The following ELP4 variants were observed in gnomAD, a reference collection of about 807,000 sequenced individuals.
ELP4 encodes the protein elongator complex protein 4.
A neutral mutation model predicts 48.9 loss-of-function variants in ELP4; 51 were observed. That is an observed-to-expected ratio of 1.04 (90% confidence interval 0.83 to 1.32). ELP4 has a LOEUF of 1.32. Among genes scored for constraint, ELP4 ranks in the 40% most tolerant of loss-of-function variants. The pLI is 0.00. For missense variants in ELP4, 519 were observed against 514.6 expected (o/e 1.01, Z -0.08); for synonymous variants, 210 against 189.2 (o/e 1.11, Z -0.90).
intron 9 of ELP4, among the ~76,000 whole-genome samples, chr11:31,748,146 AT>A (rs1252321084): frequency 4.0e-5 from 6 of 151,836 alleles, no homozygotes; most frequent in African/African-American, 1.4e-4. Flanking sequence ...CAATGGGCAG[AT>A]TCGTAGTTAT....
intron 5 of ELP4, among the ~76,000 whole-genome samples, chr11:31,618,027 A>C (rs190742894): frequency 6.6e-6 from 1 of 152,224 alleles, no homozygotes; most frequent in Non-Finnish European, 1.5e-5. Context: ...AAACCTGTAC[A>C]TAAATGTTCA....
chr11:31,775,390 G>T (rs772802239), intron 9 of ELP4, among the ~76,000 whole-genome samples: 1 of 152,104 alleles, frequency 6.6e-6, no homozygotes, highest in Non-Finnish European at 1.5e-5. Context: ...CCCCACAAAT[G>T]GCCATCTCTT....
intron 9 of ELP4, among the ~76,000 whole-genome samples, chr11:31,712,939 A>G (rs1176973770): frequency 6.6e-6 from 1 of 152,144 alleles, no homozygotes; most frequent in Non-Finnish European, 1.5e-5. Context: ...TGCCACTAAA[A>G]TAGTTTTGCA....
At chr11:31,520,158 C>T (rs1956189371) in intron 2 of ELP4, 67 bp downstream of exon 2, 1 of 1,339,756 alleles carries the variant, frequency 7.5e-7, no homozygotes, top group Admixed American at 2.3e-5. Flanking sequence ...TCATTTTATC[C>T]AATTCCCATT....
At chr11:31,747,690 G>C (rs1055711616) in intron 9 of ELP4, among the ~76,000 whole-genome samples, 2 of 152,206 alleles carry the variant, frequency 1.3e-5, no homozygotes, top group Non-Finnish European at 1.5e-5. Context: ...GACATCAGTA[G>C]TAATCACCAT....
chr11:31,691,754 A>G (rs993737240), intron 9 of ELP4, among the ~76,000 whole-genome samples: 9 of 152,180 alleles, frequency 5.9e-5, no homozygotes, highest in African/African-American at 1.9e-4. Flanking sequence ...CAATGTTTAC[A>G]ATAACAATTT....
At chr11:31,741,322 G>C (rs1374804306) in intron 9 of ELP4, among the ~76,000 whole-genome samples, 2 of 152,224 alleles carry the variant, frequency 1.3e-5, no homozygotes, top group Non-Finnish European at 1.5e-5. Context: ...TCTGGGGGCA[G>C]GGCACAGACA....
intron 3 of ELP4, among the ~76,000 whole-genome samples, chr11:31,576,166 A>C (rs1286504282): frequency 6.6e-6 from 1 of 152,220 alleles, no homozygotes; most frequent in Non-Finnish European, 1.5e-5. Flanking sequence ...ACAGACTTTA[A>C]ATCAACAAAG....
intron 9 of ELP4, chr11:31,662,405 G>A (rs535362122): frequency 3.5e-4 from 137 of 393,428 alleles, no homozygotes; most frequent in Middle Eastern, 1.3e-3. Flanking sequence ...AATAGAACAT[G>A]TGATTAGCAA....
intron 5 of ELP4, among the ~76,000 whole-genome samples, chr11:31,613,087 G>A (rs1370316533): frequency 6.6e-6 from 1 of 152,108 alleles, no homozygotes; most frequent in African/African-American, 2.4e-5. Context: ...TAAGGCTAAT[G>A]GAAGCTGTAA....
rs1420068306 is a variant in ELP4 at position 31,509,955 on chromosome 11, G to C, written c.171G>C (p.Arg57=). The change falls in exon 1 of 10, where the codon CGG becomes CGC. Residue 57 remains arginine, a synonymous_variant. Transcript: ENST00000640961. ...VSIAGTRPSV[R]NGQLLVSTGL... ...TTGCGGGCACGCGACCGTCGGTGCG[G>C]AATGGACAGCTGCTGGTATCAACCG... 1 of 1,613,188 alleles carries C rather than the reference G, an allele frequency of 6.2e-7. No individual in the cohort carries two copies. The highest frequency in any genetic ancestry group is 1.1e-5 in the South Asian group (1 of 91,046).
intron 5 of ELP4, among the ~76,000 whole-genome samples, chr11:31,613,957 T>G (rs1248035793): frequency 6.6e-6 from 1 of 152,028 alleles, no homozygotes; most frequent in African/African-American, 2.4e-5. Context: ...GTGACCTGTT[T>G]GCCTTGGCCT....
At chr11:31,538,675 T>C (rs191315563) in intron 2 of ELP4, among the ~76,000 whole-genome samples, 1 of 151,726 alleles carries the variant, frequency 6.6e-6, no homozygotes, top group African/African-American at 2.4e-5. Context: ...AACCAAATTA[T>C]ATTAATTATA....
At chr11:31,650,439 CT>C in intron 9 of ELP4, 1 of 370,264 alleles carries the variant, frequency 2.7e-6, no homozygotes, top group Non-Finnish European at 4.8e-6. Context: ...AGATGATTTT[CT>C]TTTGAATATC....
At chr11:31,716,827 GATTA>G (rs1268416851) in intron 9 of ELP4, among the ~76,000 whole-genome samples, 3 of 152,300 alleles carry the variant, frequency 2.0e-5, no homozygotes, top group Non-Finnish European at 2.9e-5. Context: ...ATGAAATAGA[GATTA>G]ATTAAGTGCT....
intron 9 of ELP4, among the ~76,000 whole-genome samples, chr11:31,752,152 A>C (rs1184996819): frequency 6.6e-6 from 1 of 152,166 alleles, no homozygotes; most frequent in Non-Finnish European, 1.5e-5. Flanking sequence ...CAGTTTATTC[A>C]CACACACACT....
intron 9 of ELP4, among the ~76,000 whole-genome samples, chr11:31,782,718 T>A (rs540263351): frequency 6.6e-6 from 1 of 152,292 alleles, no homozygotes; most frequent in South Asian, 2.1e-4. Context: ...AGCAACACTA[T>A]ACTTTTGAAA....
intron 9 of ELP4, among the ~76,000 whole-genome samples, chr11:31,688,812 A>G (rs1046406943): frequency 2.0e-5 from 3 of 152,210 alleles, no homozygotes; most frequent in African/African-American, 7.2e-5. Context: ...ACTTTTACAT[A>G]CATATTAGAT....
chr11:31,665,992 A>G (rs1425050989), intron 9 of ELP4, among the ~76,000 whole-genome samples: 1 of 147,230 alleles, frequency 6.8e-6, no homozygotes, highest in Non-Finnish European at 1.5e-5. Context: ...TTTTCAAAAT[A>G]AGTTTCAAAT....
Sources: gnomAD v4.1 joint callset for allele counts (sites outside exome capture counted in the v4.1 genomes callset) on GRCh38, gnomAD v4.1.1 for gene constraint, MANE v1.5 for transcripts, NCBI Gene and HGNC (gene_info 2026-07-23, HGNC 2026-07-21) for gene names.